The following MTF2 variants were observed in gnomAD, a reference collection of about 807,000 sequenced individuals.
MTF2 encodes the protein metal response element binding transcription factor 2.
A neutral mutation model predicts 79.5 loss-of-function variants in MTF2; 11 were observed. That is an observed-to-expected ratio of 0.14 (90% CI 0.09 to 0.23). The LOEUF is 0.23. MTF2 is among the 10% of genes least tolerant of loss of function. The pLI, the probability that MTF2 is intolerant of heterozygous loss-of-function variation, is 1.00. For missense variants in MTF2, 486 were observed against 711.2 expected (o/e 0.68, Z 3.60); for synonymous variants, 208 against 232.8 (o/e 0.89, Z 0.97).
In MTF2 at chr1:93,098,194, A is replaced by G. The variant is rs571109424; in HGVS notation, c.6-12036A>G. 4.6e-5 allele frequency among the ~76,000 whole-genome samples: 7 copies of G among 152,274 alleles called. No individual in the cohort carries two copies. In the South Asian group the frequency reaches 1.4e-3, roughly 32 times the overall value. On this transcript the variant is annotated intron_variant, in intron 1 of 14. Transcript: ENST00000370298. ...CTTTGTGCCTTTACATATGTTCCCTAGGCTTATGAAGTCCTCTCTAAGGTT... is the reference window on the plus strand; with the variant it reads ...CTTTGTGCCTTTACATATGTTCCCTGGGCTTATGAAGTCCTCTCTAAGGTT...
chr1:93,120,457 T>C (rs1656430380), intron 8 of MTF2, 92 bp from the exon 9 acceptor site: 15 of 1,213,578 alleles, frequency 1.2e-5, no homozygotes, highest in Non-Finnish European at 1.0e-5. Context: ...TATTTCTCTT[T>C]GCATTTTAAT....
rs915553996 is a variant in MTF2 at position 93,086,183 on chromosome 1, T to G, written c.5+6652T>G. Among the ~76,000 whole-genome samples, 15 of 152,238 alleles carry G rather than the reference T, an allele frequency of 9.9e-5. 1 individual carries two copies. Among genetic ancestry groups the G allele is most frequent in the Admixed American group, 9.8e-4 (15 of 15,284 alleles). Reference sequence around the variant, plus strand: ...TTTACTGTGTAGCACATGACTATGCTTAGAAGGAAGGATCAACTATGTAAA... The same window carrying G: ...TTTACTGTGTAGCACATGACTATGCGTAGAAGGAAGGATCAACTATGTAAA... On this transcript the variant is annotated intron_variant, in intron 1 of 14. Transcript: ENST00000370298.
intron 1 of MTF2, among the ~76,000 whole-genome samples, chr1:93,101,241 T>C (rs559757069): frequency 1.3e-5 from 2 of 152,254 alleles, no homozygotes; most frequent in African/African-American, 4.8e-5. Context: ...AAGAAACTTA[T>C]TTGTCCAGGC....
chr1:93,129,946 A>T (rs1414733359), intron 11 of MTF2, among the ~76,000 whole-genome samples: 3 of 152,180 alleles, frequency 2.0e-5, no homozygotes, highest in African/African-American at 7.2e-5. Flanking sequence ...TTTACTGTGG[A>T]TAGAGATGGG....
chr1:93,110,199 T>A (rs773296018), intron 1 of MTF2, 31 bp from the exon 2 acceptor site: 2 of 1,583,058 alleles, frequency 1.3e-6, no homozygotes, highest in South Asian at 2.2e-5. Context: ...TACAAGTAAG[T>A]CTTATGTATG....
In MTF2 at chr1:93,114,690, G is replaced by A; in HGVS notation, c.289G>A (p.Ala97Thr). Reference protein sequence around the residue: ...WVLWKDIQTGATGSGEMVCTI... With the variant: ...WVLWKDIQTGTTGSGEMVCTI... ...TTAATGTGTTTTAAATATTTTAGGA[G>A]CCACTGGAAGTGGGGAAATGGTCTG... The change falls in exon 4 of 15, where the codon GCC becomes ACC. Residue 97 changes from alanine to threonine, a missense_variant and splice_region_variant. Coordinates refer to ENST00000370298, the MANE Select transcript of MTF2 (RefSeq NM_007358.4). 1.3e-6 allele frequency: 2 copies of A among 1,585,086 alleles called. No homozygotes were observed. Among genetic ancestry groups the A allele is most frequent in the South Asian group, 1.2e-5 (1 of 85,778 alleles).
intron 6 of MTF2, among the ~76,000 whole-genome samples, chr1:93,118,019 C>T (rs1333094717): frequency 6.6e-6 from 1 of 151,814 alleles, no homozygotes. Flanking sequence ...CAATACTTGC[C>T]TCTTTAAAAA....
At chr1:93,127,409 AT>A in intron 10 of MTF2, 110 bp downstream of exon 10, 1 of 674,212 alleles carries the variant, frequency 1.5e-6, no homozygotes, top group Non-Finnish European at 2.6e-6. Flanking sequence ...AGTCTATACC[AT>A]TTTAAACTTT....
At chr1:93,105,143 C>CA (rs11372021) in intron 1 of MTF2, among the ~76,000 whole-genome samples, 19,068 of 110,428 alleles carry the variant, frequency 0.17, 3,467 homozygotes, top group African/African-American at 0.45. Context: ...GACTCCGTCT[C>CA]AAAAAAAAAA....
intron 3 of MTF2, 118 bp downstream of exon 3, chr1:93,110,744 C>T (rs1368712498): frequency 4.6e-5 from 38 of 829,204 alleles, no homozygotes; most frequent in African/African-American, 1.9e-4. Context: ...GTATTACTTC[C>T]TAGGAGAGGT....
In MTF2 at chr1:93,079,403, T is replaced by C. The variant is rs1654498781; in HGVS notation, c.-124T>C. 7.4e-6 allele frequency: 9 copies of C among 1,224,318 alleles called. No individual in the cohort carries two copies. In the Admixed American group the frequency reaches 1.5e-4, roughly 20 times the overall value. 75.8% of individuals were successfully genotyped at this position (1,224,318 alleles called of 1,614,324 possible). A position where few individuals can be genotyped will look rare whatever the true frequency, so the allele number is the denominator to read the frequency against. Reference sequence around the variant, plus strand: ...CCAAGGACCTCGGTTTGTGCGTGCATATGTGCCGGGTACCCGGTGGGGCGG... The same window carrying C: ...CCAAGGACCTCGGTTTGTGCGTGCACATGTGCCGGGTACCCGGTGGGGCGG... On this transcript the variant is annotated 5_prime_UTR_variant, in exon 1 of 15. Coordinates refer to ENST00000370298, the MANE Select transcript of MTF2 (RefSeq NM_007358.4).
intron 6 of MTF2, 69 bp downstream of exon 6, chr1:93,115,687 G>GGT: frequency 7.7e-7 from 1 of 1,296,412 alleles, no homozygotes; most frequent in Non-Finnish European, 1.0e-6. Context: ...TCTTGATTAT[G>GGT]GTGTGTGAGT....
chr1:93,103,495 AAT>A (rs1161814201), intron 1 of MTF2, among the ~76,000 whole-genome samples: 1 of 151,578 alleles, frequency 6.6e-6, no homozygotes, highest in Non-Finnish European at 1.5e-5. Flanking sequence ...TTTATAGAAT[AAT>A]ATATATAATG....
chr1:93,080,216 T>A (rs1429532261), intron 1 of MTF2, among the ~76,000 whole-genome samples: 1 of 152,220 alleles, frequency 6.6e-6, no homozygotes, highest in Non-Finnish European at 1.5e-5. Context: ...CTAACTCATA[T>A]AATCTACGTC....
chr1:93,131,219 G>A (rs1161545799), intron 11 of MTF2, among the ~76,000 whole-genome samples: 6 of 152,066 alleles, frequency 3.9e-5, no homozygotes, highest in Non-Finnish European at 7.4e-5. Context: ...CAGTGAGATG[G>A]GAGGAAACCA....
intron 9 of MTF2, among the ~76,000 whole-genome samples, chr1:93,122,405 T>A (rs1185226060): frequency 6.6e-6 from 1 of 152,134 alleles, no homozygotes; most frequent in African/African-American, 2.4e-5. Flanking sequence ...AATTAAAATT[T>A]AAATTTTAGT....
chr1:93,110,121 T>G, intron 1 of MTF2, 109 bp from the exon 2 acceptor site: 1 of 1,054,730 alleles, frequency 9.5e-7, no homozygotes, highest in African/African-American at 1.6e-5. Flanking sequence ...TATTTTTGTC[T>G]TAAGGTTTTT....
At chr1:93,084,509 T>G (rs1267531366) in intron 1 of MTF2, among the ~76,000 whole-genome samples, 1 of 152,190 alleles carries the variant, frequency 6.6e-6, no homozygotes, top group East Asian at 1.9e-4. Context: ...AGGATCAATC[T>G]GTGAGTCTGT....
In MTF2 at chr1:93,136,770, C is replaced by G; in HGVS notation, c.1525C>G (p.Gln509Glu). 1 of 1,614,154 alleles carries G rather than the reference C, an allele frequency of 6.2e-7. No individual in the cohort carries two copies. The highest frequency in any genetic ancestry group is 8.5e-7 in the Non-Finnish European group (1 of 1,180,028). Reference protein sequence around the residue: ...RRGRLPRRALQTQNSEIVKDD... With the variant: ...RRGRLPRRALETQNSEIVKDD... Reference sequence around the variant, plus strand: ...AGGTCGTCTTCCAAGAAGAGCACTCCAGACTCAGAACTCAGAAATTGTAAA... The same window carrying G: ...AGGTCGTCTTCCAAGAAGAGCACTCGAGACTCAGAACTCAGAAATTGTAAA... The change falls in exon 15 of 15, where the codon CAG (glutamine) becomes GAG (glutamate). Residue 509 changes from glutamine to glutamate, a missense_variant. This residue lies in a region of MTF2 where 209 missense variants were observed against 206.5 expected (regional missense o/e 1.01). Coordinates refer to ENST00000370298, the MANE Select transcript of MTF2 (RefSeq NM_007358.4).
Sources: gnomAD v4.1 joint callset for allele counts (sites outside exome capture counted in the v4.1 genomes callset) on GRCh38, gnomAD v4.1.1 for gene constraint, gnomAD v4.1.1 regional missense constraint, MANE v1.5 for transcripts, NCBI Gene and HGNC (gene_info 2026-07-23, HGNC 2026-07-21) for gene names.